Variants in WDR41 observed in about 807,000 individuals in gnomAD.
The protein encoded by WDR41 is WD repeat-containing protein 41.
In WDR41, 63 loss-of-function variants were observed where a neutral mutation model predicts 69.3. The observed-to-expected ratio is 0.91, with a 90% CI of 0.74 to 1.12. WDR41 has a LOEUF of 1.12. Ranked by LOEUF, WDR41 falls within the 50% of genes most tolerant of loss-of-function variation. The pLI, the probability that WDR41 is intolerant of heterozygous loss-of-function variation, is 0.00. For synonymous variants in WDR41, 185 were observed against 192.1 expected (o/e 0.96, Z 0.31); for missense variants, 543 against 534.5 (o/e 1.02, Z -0.16).
Position 77,605,851 on chromosome 5 carries a change from ACTTTATACCTATAC to A in WDR41, c.42+14614_42+14627del, listed in dbSNP as rs573831864. ...TAGGTAAAAAAACTTTGACTGATAG[ACTTTATACCTATAC>A]CTTTATACCTATATCATGGAAGGAT... On this transcript the variant is annotated intron_variant, in intron 1 of 5. Transcript: ENST00000509971. 1.8e-3 allele frequency among the ~76,000 whole-genome samples: 274 copies of A among 152,308 alleles called. 1 individual carries two copies. The highest frequency in any genetic ancestry group is 6.3e-3 in the African/African-American group (261 of 41,564).
In WDR41 at chr5:77,431,803, A is replaced by C. The variant is rs1305331262; in HGVS notation, c.*1332T>G. 6.6e-6 allele frequency: 1 copy of C among 152,216 alleles called. No individual in the cohort carries two copies. Among genetic ancestry groups the C allele is most frequent in the Non-Finnish European group, 1.5e-5 (1 of 68,030 alleles). 9.4% of individuals were successfully genotyped at this position (152,216 alleles called of 1,614,324 possible). A position where few individuals can be genotyped will look rare whatever the true frequency, so the allele number is the denominator to read the frequency against. ...AATGGGAGAAAGTCTTCTGTAATTG[A>C]GGTAGCTTAAGTTTTAATATTTCTC... On this transcript the variant is annotated 3_prime_UTR_variant, in exon 13 of 13. Transcript: ENST00000296679.
chr5:77,545,826 G>C (rs1743186241), intron 1 of WDR41: 5 of 951,260 alleles, frequency 5.3e-6, no homozygotes, highest in Non-Finnish European at 7.7e-6. Flanking sequence ...GGTGGCCACT[G>C]CCATCCGTGG....
At chr5:77,614,100 C>T (rs1323017621) in intron 1 of WDR41, among the ~76,000 whole-genome samples, 4 of 151,912 alleles carry the variant, frequency 2.6e-5, no homozygotes, top group African/African-American at 7.3e-5. Flanking sequence ...AACGAGATAC[C>T]ATCTCACACC....
chr5:77,582,591 G>A (rs1411089222), intron 1 of WDR41: 8 of 1,600,230 alleles, frequency 5.0e-6, no homozygotes, highest in South Asian at 1.1e-5. Flanking sequence ...TTCGAGTGGC[G>A]AGGATGGCAA....
At chr5:77,547,520 G>A (rs1338754101) in intron 1 of WDR41, among the ~76,000 whole-genome samples, 2 of 149,654 alleles carry the variant, frequency 1.3e-5, no homozygotes, top group East Asian at 1.9e-4. Context: ...CCCTTTTACA[G>A]TAGCTACAAA....
At chr5:77,445,387 C>T (rs1471451914) in intron 8 of WDR41, among the ~76,000 whole-genome samples, 5 of 152,076 alleles carry the variant, frequency 3.3e-5, no homozygotes, top group South Asian at 2.1e-4. Context: ...GAAACTATTC[C>T]GAACAACTGA....
At chr5:77,526,063 T>C (rs1802441583) in intron 1 of WDR41, among the ~76,000 whole-genome samples, 1 of 152,212 alleles carries the variant, frequency 6.6e-6, no homozygotes, top group Non-Finnish European at 1.5e-5. Context: ...TCTAACAATA[T>C]TTTATTCCTT....
chr5:77,500,881 C>A (rs934886741), intron 1 of WDR41, among the ~76,000 whole-genome samples: 1 of 152,348 alleles, frequency 6.6e-6, no homozygotes, highest in African/African-American at 2.4e-5. Flanking sequence ...GTAGTCCCTG[C>A]TCTCAAGAAA....
intron 1 of WDR41, among the ~76,000 whole-genome samples, chr5:77,567,144 GGTAATAA>G (rs1743647840): frequency 6.6e-6 from 1 of 152,128 alleles, no homozygotes; most frequent in Non-Finnish European, 1.5e-5. Context: ...TACTAGAACA[GGTAATAA>G]GTAGCTCTAG....
chr5:77,441,717 A>G (rs778369663), intron 8 of WDR41, among the ~76,000 whole-genome samples: 5 of 149,302 alleles, frequency 3.3e-5, no homozygotes, highest in Non-Finnish European at 7.4e-5. Flanking sequence ...CAGCCTGGGC[A>G]ATAGAGCGAG....
At chr5:77,471,489 C>A (rs571646704) in intron 2 of WDR41, among the ~76,000 whole-genome samples, 1 of 152,150 alleles carries the variant, frequency 6.6e-6, no homozygotes, top group South Asian at 2.1e-4. Flanking sequence ...AATCCCGGAA[C>A]CGGTTTTTTG....
At chr5:77,494,165 A>G (rs1053280516), upstream of WDR41, among the ~76,000 whole-genome samples, 1 of 152,230 alleles carries the variant, frequency 6.6e-6, no homozygotes, top group Non-Finnish European at 1.5e-5. Context: ...AATACCTGTA[A>G]AATATACATA....
intron 1 of WDR41, among the ~76,000 whole-genome samples, chr5:77,566,744 T>A (rs1414748170): frequency 6.6e-6 from 1 of 152,170 alleles, no homozygotes; most frequent in Non-Finnish European, 1.5e-5. Flanking sequence ...TGACTTGTTT[T>A]TTATGTTGCC....
At chr5:77,439,768 A>T (rs542107956) in intron 9 of WDR41, among the ~76,000 whole-genome samples, 32 of 152,354 alleles carry the variant, frequency 2.1e-4, no homozygotes, top group African/African-American at 7.2e-4. Flanking sequence ...AACATCAATT[A>T]AAAAATTTAA....
At chr5:77,592,792 T>A (rs1252733889) in intron 1 of WDR41, among the ~76,000 whole-genome samples, 1 of 152,200 alleles carries the variant, frequency 6.6e-6, no homozygotes, top group Non-Finnish European at 1.5e-5. Context: ...AGCCTTGTTG[T>A]CCAGTGTTTT....
chr5:77,613,879 T>A (rs1744617764), intron 1 of WDR41, among the ~76,000 whole-genome samples: 1 of 152,018 alleles, frequency 6.6e-6, no homozygotes, highest in Non-Finnish European at 1.5e-5. Flanking sequence ...TGGGAGAAAA[T>A]TTTTGCAATC....
rs1415999036 is a variant in WDR41, at chr5:77,470,154, C to T, written c.168-5345G>A. On this transcript the variant is annotated intron_variant, in intron 2 of 12. Transcript: ENST00000296679. Reference sequence around the variant, plus strand: ...TTCTTAAAGAAAAGAATTTTCAACCCAGAATTTCATATCCAGCCAAACTAA... The same window carrying T: ...TTCTTAAAGAAAAGAATTTTCAACCTAGAATTTCATATCCAGCCAAACTAA... Among the ~76,000 whole-genome samples, 8 of 151,902 alleles carry T rather than the reference C, an allele frequency of 5.3e-5. No homozygotes were observed. The East Asian group carries it at 1.5e-3, about 29-fold the overall frequency.
intron 1 of WDR41, among the ~76,000 whole-genome samples, chr5:77,518,396 C>T (rs1478257548): frequency 6.6e-6 from 1 of 152,016 alleles, no homozygotes; most frequent in Non-Finnish European, 1.5e-5. Flanking sequence ...TCTTTGTAAT[C>T]ACTATAAAAA....
chr5:77,578,822 C>T (rs894788073), intron 1 of WDR41, among the ~76,000 whole-genome samples: 5 of 143,824 alleles, frequency 3.5e-5, no homozygotes, highest in African/African-American at 5.3e-5. Flanking sequence ...CAAGATCGCA[C>T]CACTGCACTC....
Sources: gnomAD v4.1 joint callset for allele counts (sites outside exome capture counted in the v4.1 genomes callset) on GRCh38, gnomAD v4.1.1 for gene constraint, MANE v1.5 for transcripts, NCBI Gene and HGNC (gene_info 2026-07-23, HGNC 2026-07-21) for gene names.